PADI2: variants seen among roughly 807,000 people sequenced by gnomAD.
PADI2 encodes the protein protein-arginine deiminase type-2.
In PADI2, 70 loss-of-function variants were observed where a neutral mutation model predicts 81.1. The observed-to-expected ratio is 0.86, with a 90% CI of 0.71 to 1.05. The LOEUF is 1.05. Among genes scored for constraint, PADI2 ranks in the 50% least tolerant of loss-of-function variants. PADI2 has a pLI of 0.00. For synonymous variants in PADI2, 338 were observed against 358.0 expected (o/e 0.94, Z 0.63); for missense variants, 853 against 889.9 (o/e 0.96, Z 0.53).
intron 7 of PADI2, among the ~76,000 whole-genome samples, chr1:17,085,728 A>T (rs977312102): frequency 6.6e-6 from 1 of 152,220 alleles, no homozygotes; most frequent in Non-Finnish European, 1.5e-5. Context: ...GCCAGGGCTC[A>T]TTCTCATACA....
rs753436923 is a variant in PADI2 at position 17,074,887 on chromosome 1, C to G, written c.1518G>C (p.Lys506Asn). The change falls in exon 13 of 16, where the codon AAG becomes AAC. Residue 506 changes from lysine (K) to asparagine (N), a missense_variant. By Grantham distance (94) the Lys-to-Asn change is moderately conservative. Transcript: ENST00000375486. ...ACYKLFREKQKDGHGEAIMFK... is the reference protein window; with the variant it reads ...ACYKLFREKQNDGHGEAIMFK... ...ACATGATGGCCTCTCCATGGCCGTC[C>G]TTCTGCTTCTCTCGGAAGAGCTTGT... 4 of 1,613,156 alleles carry G rather than the reference C, an allele frequency of 2.5e-6. No homozygotes were observed. In the East Asian group the frequency reaches 6.7e-5, roughly 27 times the overall value.
Position 17,119,389 on chromosome 1 carries a change from C to G in PADI2, c.-18G>C, listed in dbSNP as rs758577929. 3 of 1,520,842 alleles carry G rather than the reference C, an allele frequency of 2.0e-6. No homozygotes were observed. In the South Asian group the frequency reaches 3.7e-5, roughly 19 times the overall value. The allele number at this position is 1,520,842 out of a possible 1,614,324, so 94.2% of individuals were successfully genotyped here. A position where few individuals can be genotyped will look rare whatever the true frequency, so the allele number is the denominator to read the frequency against. ...CGCAGCATCCTCCCCGCCGCAGTGC[C>G]CGCGCTCGCTGGTCCGGGGCGGCCG... On this transcript the variant is annotated 5_prime_UTR_variant, in exon 1 of 16. Coordinates refer to ENST00000375486, the MANE Select transcript of PADI2 (RefSeq NM_007365.3). This position sits in a 1 kb window ranked among gnomAD's most constrained non-coding sequence, Gnocchi z 4.8.
At chr1:17,084,512 C>T (rs938878233) in intron 8 of PADI2, 87 bp downstream of exon 8, 55 of 733,452 alleles carry the variant, frequency 7.5e-5, no homozygotes, top group African/African-American at 5.3e-4. Flanking sequence ...TGGTAAGTGA[C>T]GGGGCCAGGA....
intron 1 of PADI2, among the ~76,000 whole-genome samples, chr1:17,111,587 T>TA (rs113855519): frequency 0.13 from 19,302 of 147,592 alleles, 1,978 homozygotes; most frequent in African/African-American, 0.28. Context: ...GTGCTGACTG[T>TA]AAAAAAAAAA....
chr1:17,076,497 G>A (rs1170146403), intron 11 of PADI2, among the ~76,000 whole-genome samples: 1 of 152,168 alleles, frequency 6.6e-6, no homozygotes, highest in Non-Finnish European at 1.5e-5. Context: ...ACAGGTGTGA[G>A]CCACTGTGCC....
chr1:17,113,251 CTATTATTATTATTATTATTAT>C (rs67222510), intron 1 of PADI2, among the ~76,000 whole-genome samples: 30 of 148,456 alleles, frequency 2.0e-4, no homozygotes, highest in African/African-American at 7.4e-4. Context: ...TGAGTATTTA[CTATTATTATTATTATTATTAT>C]TATTATTATT....
At chr1:17,083,151 G>GCATGCACCACCACGCCTGGT in intron 9 of PADI2, 1 of 157,422 alleles carries the variant, frequency 6.4e-6, no homozygotes, top group South Asian at 1.9e-4. Flanking sequence ...GGGATTACAG[G>GCATGCACCACCACGCCTGGT]TATTATCCAC....
At chr1:17,084,723 G>C (rs182802528) in intron 7 of PADI2, 21 bp from the exon 8 acceptor site, 1 of 1,477,282 alleles carries the variant, frequency 6.8e-7, no homozygotes, top group Non-Finnish European at 9.2e-7. Context: ...GAGACAAGGC[G>C]TGGGGGATCA....
intron 9 of PADI2, chr1:17,083,455 CT>C: frequency 2.3e-6 from 1 of 427,618 alleles, no homozygotes; most frequent in East Asian, 4.1e-5. Context: ...TGGCTTCATC[CT>C]TTTTAGCGGT....
chr1:17,104,431 C>CTTTTTTTTTTTTTTTTTTTT lies in PADI2; in HGVS notation c.276+427_276+446dup, dbSNP rs1217484961. Among the ~76,000 whole-genome samples the CTTTTTTTTTTTTTTTTTTTT allele has an allele frequency of 2.5e-4, 20 of 79,816 alleles. 5 individuals carry two copies. The highest frequency in any genetic ancestry group is 9.9e-4 in the African/African-American group (20 of 20,238). 52.4% of individuals were successfully genotyped at this position (79,816 alleles called of 152,430 possible). A position where few individuals can be genotyped will look rare whatever the true frequency, so the allele number is the denominator to read the frequency against. On this transcript the variant is annotated intron_variant, in intron 2 of 15. Coordinates refer to ENST00000375486, the MANE Select transcript of PADI2 (RefSeq NM_007365.3). ...TTTCACCTGTTTCTTTTTGCCTTTT[C>CTTTTTTTTTTTTTTTTTTTT]TTTTTTTTTTTTTTTTTTTTTGAGA...
intron 13 of PADI2, among the ~76,000 whole-genome samples, chr1:17,073,416 CAA>C (rs55941211): frequency 0.11 from 13,524 of 127,368 alleles, 789 homozygotes; most frequent in African/African-American, 0.19. Context: ...GACTGTGTCT[CAA>C]AAAAAAAAAA....
intron 1 of PADI2, among the ~76,000 whole-genome samples, chr1:17,112,521 T>G (rs1246782769): frequency 1.7e-5 from 1 of 57,300 alleles, no homozygotes; most frequent in Non-Finnish European, 4.8e-5. Context: ...TTTAGAGGAG[T>G]CTGGGGGGGG....
At chr1:17,079,160 C>T in intron 11 of PADI2, 104 bp downstream of exon 11, 1 of 939,212 alleles carries the variant, frequency 1.1e-6, no homozygotes, top group East Asian at 2.5e-5. Flanking sequence ...GGGAATAATT[C>T]CCCCAGCCAC....
chr1:17,075,919 A>G, intron 11 of PADI2, 96 bp from the exon 12 acceptor site: 10 of 1,205,270 alleles, frequency 8.3e-6, no homozygotes, highest in Middle Eastern at 1.9e-4. Context: ...TCGGACCCAG[A>G]GTGACATCAG....
At position 17,102,989 on chromosome 1, in the gene PADI2, A is replaced by G. The variant is rs1193482208; in HGVS notation, c.347T>C (p.Ile116Thr). 15 of 1,609,384 alleles carry G rather than the reference A, an allele frequency of 9.3e-6. No individual in the cohort carries two copies. The highest frequency in any genetic ancestry group is 1.3e-5 in the Non-Finnish European group (15 of 1,177,160). ...IDQAGLFLTAIEISLDVDADR... is the reference protein window; with the variant it reads ...IDQAGLFLTATEISLDVDADR... Reference sequence around the variant, plus strand: ...AGACGGCAACCATGCCAACTCACCAATGGCTGTGAGGAAGAGCCCCGCCTG... The same window carrying G: ...AGACGGCAACCATGCCAACTCACCAGTGGCTGTGAGGAAGAGCCCCGCCTG... Residue 116 changes from isoleucine to threonine, a missense_variant and splice_region_variant, in exon 3 of 16, where the codon ATT becomes ACT. By Grantham distance (89) the Ile-to-Thr change is moderately conservative. Transcript: ENST00000375486.
At position 17,119,265 on chromosome 1, in the gene PADI2, G is replaced by A. The variant is rs772238449; in HGVS notation, c.92+15C>T. 32 of 1,505,302 alleles carry A rather than the reference G, an allele frequency of 2.1e-5. No homozygotes were observed. The Middle Eastern group carries it at 5.1e-4, about 24-fold the overall frequency. The allele number at this position is 1,505,302 out of a possible 1,614,324, so 93.2% of individuals were successfully genotyped here. On this transcript the variant is annotated intron_variant, in intron 1 of 15. Coordinates refer to ENST00000375486, the MANE Select transcript of PADI2 (RefSeq NM_007365.3). This position sits in a 1 kb window ranked among gnomAD's most constrained non-coding sequence, Gnocchi z 4.8. ...CTCGAGATCTCGGCCCGGGCATCAC[G>A]GTGGGCCGGCTCACCTGTAGACATC...
chr1:17,080,745 T>G (rs1214585930), intron 10 of PADI2, among the ~76,000 whole-genome samples: 1 of 152,248 alleles, frequency 6.6e-6, no homozygotes, highest in Non-Finnish European at 1.5e-5. Flanking sequence ...CCCTGAATTT[T>G]AACATTCCTC....
rs2078329741 is a variant in PADI2 at position 17,079,649 on chromosome 1, AGTGT to A, written c.1159-238_1159-235del. Among the ~76,000 whole-genome samples the A allele has an allele frequency of 2.0e-5, 3 of 150,914 alleles. No homozygotes were observed. In the South Asian group the frequency reaches 6.4e-4, roughly 32 times the overall value. ...GCGAGTGAGAGTGAGTGTGAGAGTG[AGTGT>A]GAGAGTGAGTGTGAGTGTGAATGTG... is the stretch of plus-strand genomic sequence containing the variant. On this transcript the variant is annotated intron_variant, in intron 10 of 15. Transcript: ENST00000375486.
At position 17,068,936 on chromosome 1, in the gene PADI2, A is replaced by G; in HGVS notation, c.*108T>C. The G allele has an allele frequency of 1.2e-6, 1 of 857,298 alleles. No homozygotes were observed. Among genetic ancestry groups the G allele is most frequent in the South Asian group, 1.5e-5 (1 of 67,352 alleles). The allele number at this position is 857,298 out of a possible 1,614,324, so 53.1% of individuals were successfully genotyped here. ...CCCCAAATTCCACCCCACGTCCCAA[A>G]GGTCTCCCAGCGGGGCTGTCCAGTC... On this transcript the variant is annotated 3_prime_UTR_variant, in exon 16 of 16. Transcript: ENST00000375486.
Sources: gnomAD v4.1 joint callset for allele counts (sites outside exome capture counted in the v4.1 genomes callset) on GRCh38, gnomAD v4.1.1 for gene constraint, Gnocchi (gnomAD v3.1) non-coding constraint, MANE v1.5 for transcripts, NCBI Gene and HGNC (gene_info 2026-07-23, HGNC 2026-07-21) for gene names.